CFAP96: variants seen among roughly 807,000 people sequenced by gnomAD.
The protein encoded by CFAP96 is cilia and flagella associated protein 96, also known as cilia-and flagella-associated protein 96.
the CFAP96 span, among the ~76,000 whole-genome samples, chr4:185,447,295 C>T: frequency 6.6e-6 from 1 of 151,970 alleles, no homozygotes; most frequent in Non-Finnish European, 1.5e-5. Flanking sequence ...CATTCTCCTG[C>T]CTCAGCCTCC....
At chr4:185,423,753 T>C in the CFAP96 span, among the ~76,000 whole-genome samples, 2 of 152,102 alleles carry the variant, frequency 1.3e-5, no homozygotes, top group Non-Finnish European at 2.9e-5. Flanking sequence ...TGTATCATTG[T>C]TTGTGTACAC....
chr4:185,422,646 G>A, the CFAP96 span: 1 of 861,036 alleles, frequency 1.2e-6, no homozygotes, highest in East Asian at 2.9e-5. Flanking sequence ...TAAGTTTAGT[G>A]TTAAGACATT....
At chr4:185,425,152 G>C in the CFAP96 span, among the ~76,000 whole-genome samples, 1 of 152,182 alleles carries the variant, frequency 6.6e-6, no homozygotes, top group Non-Finnish European at 1.5e-5. Flanking sequence ...TGCATGTCGG[G>C]GAGTTGAGAA....
chr4:185,449,797 T>C, the CFAP96 span: 1 of 508,968 alleles, frequency 2.0e-6, no homozygotes, highest in East Asian at 3.3e-5. Context: ...ATTTTAATAC[T>C]ACTAGTTAAT....
At chr4:185,435,446 A>G in the CFAP96 span, among the ~76,000 whole-genome samples, 1 of 152,228 alleles carries the variant, frequency 6.6e-6, no homozygotes, top group Admixed American at 6.5e-5. Context: ...GACAATAGTT[A>G]CCCTTATTGT....
chr4:185,448,264 G>A, the CFAP96 span, among the ~76,000 whole-genome samples: 16 of 152,044 alleles, frequency 1.1e-4, no homozygotes, highest in Non-Finnish European at 1.8e-4. Context: ...CAGGTGATCC[G>A]CCCGCCTCAG....
At chr4:185,409,302 T>C in the CFAP96 span, among the ~76,000 whole-genome samples, 1 of 152,234 alleles carries the variant, frequency 6.6e-6, no homozygotes, top group South Asian at 2.1e-4. Flanking sequence ...ATCATATAAA[T>C]TCTTACTTAT....
the CFAP96 span, chr4:185,425,732 T>A: frequency 7.4e-7 from 1 of 1,360,008 alleles, no homozygotes. Context: ...AGAGCCGCCC[T>A]GCCCACGCAG....
At chr4:185,434,898 G>A in the CFAP96 span, among the ~76,000 whole-genome samples, 1 of 152,044 alleles carries the variant, frequency 6.6e-6, no homozygotes, top group Non-Finnish European at 1.5e-5. Context: ...AGGCCACCAC[G>A]CCCGGCTAGT....
the CFAP96 span, among the ~76,000 whole-genome samples, chr4:185,411,602 G>C: frequency 2.0e-5 from 3 of 152,130 alleles, no homozygotes; most frequent in African/African-American, 4.8e-5. Context: ...ATTGTTGAGA[G>C]ATTTGTGCCA....
chr4:185,447,339 G>T, the CFAP96 span, among the ~76,000 whole-genome samples: 2 of 151,692 alleles, frequency 1.3e-5, no homozygotes, highest in Non-Finnish European at 2.9e-5. Context: ...CCGCCACCAC[G>T]CCCGGCTAAT....
the CFAP96 span, chr4:185,432,088 T>G: frequency 6.4e-7 from 1 of 1,551,764 alleles, no homozygotes; most frequent in Non-Finnish European, 8.7e-7. Context: ...TTGTAAGGAT[T>G]TTTGAAGGTG....
chr4:185,413,570 C>A, the CFAP96 span, among the ~76,000 whole-genome samples: 5 of 152,180 alleles, frequency 3.3e-5, no homozygotes, highest in Admixed American at 3.3e-4. Flanking sequence ...TTTTTAATTA[C>A]TGCTATCTTA....
chr4:185,420,458 T>A, the CFAP96 span, among the ~76,000 whole-genome samples: 1 of 152,156 alleles, frequency 6.6e-6, no homozygotes, highest in African/African-American at 2.4e-5. Context: ...TTTAACCTTG[T>A]AAATATTTAT....
chr4:185,421,032 C>T, the CFAP96 span, among the ~76,000 whole-genome samples: 1 of 152,198 alleles, frequency 6.6e-6, no homozygotes, highest in African/African-American at 2.4e-5. Flanking sequence ...GGAACAGCTA[C>T]ACTCTACTAA....
chr4:185,429,848 A>AG, the CFAP96 span, among the ~76,000 whole-genome samples: 2 of 151,714 alleles, frequency 1.3e-5, no homozygotes. Flanking sequence ...TACTTTGTGG[A>AG]GTAGGGCGGG....
At chr4:185,447,336 C>T in the CFAP96 span, among the ~76,000 whole-genome samples, 4 of 152,094 alleles carry the variant, frequency 2.6e-5, no homozygotes, top group South Asian at 2.1e-4. Flanking sequence ...CGCCCGCCAC[C>T]ACGCCCGGCT....
the CFAP96 span, chr4:185,416,024 G>C: frequency 1.9e-6 from 1 of 533,282 alleles, no homozygotes; most frequent in South Asian, 3.5e-5. Flanking sequence ...AGAGAACAAG[G>C]AGTTCAATCT....
At chr4:185,435,916 AAAATG>A in the CFAP96 span, 1 of 659,146 alleles carries the variant, frequency 1.5e-6, no homozygotes, top group South Asian at 3.1e-5. Context: ...AAGAATGAGG[AAAATG>A]AAATTAGATT....
Sources: gnomAD v4.1 joint callset for allele counts (sites outside exome capture counted in the v4.1 genomes callset) on GRCh38, gnomAD v4.1.1 for gene constraint, MANE v1.5 for transcripts, NCBI Gene and HGNC (gene_info 2026-07-23, HGNC 2026-07-21) for gene names.